Variants in CCDC80 observed in about 807,000 individuals in gnomAD.
The protein encoded by CCDC80 is coiled-coil domain-containing protein 80.
Under a neutral mutation model 78.7 loss-of-function variants are expected in CCDC80, and 49 were observed. The ratio of observed to expected loss-of-function variants is 0.62; its 90% confidence interval spans 0.50 to 0.79. The LOEUF is 0.79. Ranked by LOEUF, CCDC80 falls within the 30% of genes least tolerant of loss-of-function variation. The probability of loss-of-function intolerance (pLI) is 0.00; values close to 1 mark genes in which losing one functional copy is unlikely to be tolerated. For synonymous variants in CCDC80, 488 were observed against 447.0 expected (o/e 1.09, Z -1.16); for missense variants, 1,205 against 1,198.6 (o/e 1.01, Z -0.08).
At chr3:112,626,772 T>A (rs563144621) in intron 3 of CCDC80, among the ~76,000 whole-genome samples, 2 of 152,190 alleles carry the variant, frequency 1.3e-5, no homozygotes, top group Non-Finnish European at 2.9e-5. Flanking sequence ...GTTCCCAAAC[T>A]CCTGGCCTCA....
At chr3:112,624,873 C>T (rs1935935325) in intron 3 of CCDC80, among the ~76,000 whole-genome samples, 1 of 152,142 alleles carries the variant, frequency 6.6e-6, no homozygotes, top group Non-Finnish European at 1.5e-5. Flanking sequence ...TTCTAGCCCT[C>T]TCTTCACCTC....
At position 112,641,117 on chromosome 3, in the gene CCDC80, G is replaced by A. The variant is rs147684624; in HGVS notation, c.-802C>T. The stretch of plus-strand genomic sequence containing the variant: ...TCCTTCCCATTTTAGCACGTTCAGA[G>A]TGGACTCAGTGAGGAGTGAGAAGGC... On this transcript the variant is annotated 5_prime_UTR_variant, in exon 1 of 8. Coordinates refer to ENST00000206423, the MANE Select transcript of CCDC80 (RefSeq NM_199511.3). The A allele has an allele frequency of 2.0e-5, 3 of 152,350 alleles. No homozygotes were observed. The highest frequency in any genetic ancestry group is 2.0e-4 in the Admixed American group (3 of 15,310). The allele number at this position is 152,350 out of a possible 1,614,324, so 9.4% of individuals were successfully genotyped here.
chr3:112,639,117 T>G lies in CCDC80; in HGVS notation c.789A>C (p.Gln263His). Residue 263 changes from glutamine (Q) to histidine (H), a missense_variant, in exon 2 of 8, where the codon CAA (glutamine) becomes CAC (histidine). Transcript: ENST00000206423. ...RLEAMYEVIDQGPIRRIEKIR... is the reference protein window; with the variant it reads ...RLEAMYEVIDHGPIRRIEKIR... Reference sequence around the variant, plus strand: ...TCTTCTCGATCCTACGGATGGGGCCTTGGTCGATGACCTCGTACATGGCTT... The same window carrying G: ...TCTTCTCGATCCTACGGATGGGGCCGTGGTCGATGACCTCGTACATGGCTT... The G allele has an allele frequency of 2.5e-6, 4 of 1,614,178 alleles. No individual in the cohort carries two copies. The highest frequency in any genetic ancestry group is 3.4e-6 in the Non-Finnish European group (4 of 1,180,026).
Position 112,605,305 on chromosome 3 carries a change from T to G in CCDC80, c.*112A>C. 1.5e-6 allele frequency: 1 copy of G among 686,040 alleles called. No individual in the cohort carries two copies. The highest frequency in any genetic ancestry group is 2.4e-6 in the Non-Finnish European group (1 of 416,846). The allele number at this position is 686,040 out of a possible 1,614,324, so 42.5% of individuals were successfully genotyped here. A position where few individuals can be genotyped will look rare whatever the true frequency, so the allele number is the denominator to read the frequency against. On this transcript the variant is annotated 3_prime_UTR_variant, in exon 8 of 8. Coordinates refer to ENST00000206423, the MANE Select transcript of CCDC80 (RefSeq NM_199511.3). ...TATTTATTTAGTCTTAGAAAAACAC[T>G]GAAAGAAAAAGGCAGGAAATGTAGT... is the stretch of plus-strand genomic sequence containing the variant.
rs1278051135 is a variant in CCDC80 at position 112,604,057 on chromosome 3, A to C, written c.*1360T>G. On this transcript the variant is annotated 3_prime_UTR_variant, in exon 8 of 8. Transcript: ENST00000206423. ...TGCAATCTCATTACAAAAGTTTAATAGATGAAGACTTGCTTCTTATGAATG... is the reference window on the plus strand; with the variant it reads ...TGCAATCTCATTACAAAAGTTTAATCGATGAAGACTTGCTTCTTATGAATG... The C allele has an allele frequency of 6.6e-6, 1 of 152,262 alleles. No individual in the cohort carries two copies. The highest frequency in any genetic ancestry group is 1.5e-5 in the Non-Finnish European group (1 of 68,044). The allele number at this position is 152,262 out of a possible 1,614,324, so 9.4% of individuals were successfully genotyped here.
rs1484023419 is a variant in CCDC80, at chr3:112,639,394, A to T, written c.512T>A (p.Leu171Gln). 2 of 1,614,172 alleles carry T rather than the reference A, an allele frequency of 1.2e-6. No homozygotes were observed. Among genetic ancestry groups the T allele is most frequent in the South Asian group, 2.2e-5 (2 of 91,078 alleles). ...CAGCTCACAGTACACATCGTCCTTC[A>T]GCAGGCTCATCATGAGGCGGTAGTA... ...EGYYRLMMSL[L>Q]KDDVYCELAE... is the part of the protein sequence containing the mutation. The change falls in exon 2 of 8, where the codon CTG (leucine) becomes CAG (glutamine). Residue 171 changes from leucine (L) to glutamine (Q), a missense_variant. By Grantham distance (113) the Leu-to-Gln change is moderately radical (BLOSUM62 -2). Transcript: ENST00000206423.
chr3:112,604,378 C>G lies in CCDC80; in HGVS notation c.*1039G>C, dbSNP rs1387547756. On this transcript the variant is annotated 3_prime_UTR_variant, in exon 8 of 8. Transcript: ENST00000206423. ...CATCACCCCCAACCTTCAGTAACCA[C>G]CACCCTGATCATTCAGCAGCCATCA... 1.3e-5 allele frequency: 2 copies of G among 152,192 alleles called. No homozygotes were observed. Among genetic ancestry groups the G allele is most frequent in the African/African-American group, 2.4e-5 (1 of 41,446 alleles). 9.4% of individuals were successfully genotyped at this position (152,192 alleles called of 1,614,324 possible).
At chr3:112,619,633 G>C (rs1935822677) in intron 3 of CCDC80, among the ~76,000 whole-genome samples, 1 of 152,058 alleles carries the variant, frequency 6.6e-6, no homozygotes, top group South Asian at 2.1e-4. Context: ...GTTTCATTTG[G>C]GCTCCAAAAG....
At chr3:112,611,149 G>A (rs550083871) in intron 5 of CCDC80, among the ~76,000 whole-genome samples, 1 of 152,202 alleles carries the variant, frequency 6.6e-6, no homozygotes, top group South Asian at 2.1e-4. Flanking sequence ...TCCTGACCTG[G>A]TGATCTGCCC....
At position 112,604,916 on chromosome 3, in the gene CCDC80, A is replaced by T. The variant is rs1935448592; in HGVS notation, c.*501T>A. The T allele has an allele frequency of 6.6e-6, 1 of 152,292 alleles. No individual in the cohort carries two copies. Among genetic ancestry groups the T allele is most frequent in the Non-Finnish European group, 1.5e-5 (1 of 68,080 alleles). 9.4% of individuals were successfully genotyped at this position (152,292 alleles called of 1,614,324 possible). A position where few individuals can be genotyped will look rare whatever the true frequency, so the allele number is the denominator to read the frequency against. On this transcript the variant is annotated 3_prime_UTR_variant, in exon 8 of 8. Transcript: ENST00000206423. Reference sequence around the variant, plus strand: ...GTATCAAGTTTCATAAAAGAAACTCATACAAAGCAGAGATATCTTAATTAT... The same window carrying T: ...GTATCAAGTTTCATAAAAGAAACTCTTACAAAGCAGAGATATCTTAATTAT...
chr3:112,619,362 C>A (rs1413078357), intron 3 of CCDC80, among the ~76,000 whole-genome samples: 1 of 152,174 alleles, frequency 6.6e-6, no homozygotes, highest in Non-Finnish European at 1.5e-5. Context: ...CAAACAGGAA[C>A]AAAGGAACAA....
At chr3:112,606,688 G>A (rs141292220) in intron 7 of CCDC80, among the ~76,000 whole-genome samples, 1 of 152,244 alleles carries the variant, frequency 6.6e-6, no homozygotes, top group East Asian at 1.9e-4. Context: ...GCCTCCCAAA[G>A]TGCTAGGATT....
At chr3:112,616,916 A>G (rs938328462) in intron 4 of CCDC80, 58 bp from the exon 5 acceptor site, 1 of 1,527,072 alleles carries the variant, frequency 6.5e-7, no homozygotes, top group African/African-American at 1.4e-5. Context: ...CTCTCTATTC[A>G]GAGGATAGAG....
chr3:112,631,349 T>G (rs912316356), intron 2 of CCDC80, among the ~76,000 whole-genome samples: 1 of 152,160 alleles, frequency 6.6e-6, no homozygotes, highest in African/African-American at 2.4e-5. Flanking sequence ...GAAATTTTAT[T>G]GTGATGATGA....
At chr3:112,632,846 C>T (rs370370661) in intron 2 of CCDC80, among the ~76,000 whole-genome samples, 3 of 152,198 alleles carry the variant, frequency 2.0e-5, no homozygotes, top group Non-Finnish European at 4.4e-5. Flanking sequence ...CACGTTCTGG[C>T]CCCGGGCTCT....
intron 5 of CCDC80, 198 bp from the exon 6 acceptor site, chr3:112,610,279 TCA>T: frequency 1.7e-6 from 1 of 584,376 alleles, no homozygotes; most frequent in Non-Finnish European, 3.1e-6. Flanking sequence ...TGTTGTAACT[TCA>T]CAGTCTTTCT....
Position 112,605,536 on chromosome 3 carries a change from G to A in CCDC80, c.2734C>T (p.Arg912Cys), listed in dbSNP as rs771980493. 7 of 1,614,102 alleles carry A rather than the reference G, an allele frequency of 4.3e-6. No homozygotes were observed. Among genetic ancestry groups the A allele is most frequent in the Admixed American group, 1.7e-5 (1 of 60,018 alleles). The change falls in exon 8 of 8, where the codon CGC becomes TGC. Residue 912 changes from arginine (R) to cysteine (C), a missense_variant. Arg to Cys is a radical substitution (Grantham distance 180). Transcript: ENST00000206423. ...CCTGCATACTCATCTTCTGGGCAGC[G>A]CATCCCCAGTGACTGCTGAATCGCC... is the stretch of plus-strand genomic sequence containing the variant. The part of the protein sequence containing the change: ...EMAIQQSLGM[R>C]CPEDEYAGYG...
At position 112,598,172 on chromosome 3, in the gene CCDC80, A is replaced by T. The variant is rs1313481586; in HGVS notation, c.*7245T>A. The T allele has an allele frequency of 6.6e-6, 1 of 152,198 alleles. No homozygotes were observed. The highest frequency in any genetic ancestry group is 1.5e-5 in the Non-Finnish European group (1 of 68,034). 9.4% of individuals were successfully genotyped at this position (152,198 alleles called of 1,614,324 possible). On this transcript the variant is annotated 3_prime_UTR_variant, in exon 8 of 8. Transcript: ENST00000206423. ...CTCTAAAGATAGTTCATAAAAAGCA[A>T]GCCAAAGATAGAAAAGAGAGCTAAG...
In CCDC80 at chr3:112,630,196, T is replaced by C. The variant is rs1366173737; in HGVS notation, c.1952A>G (p.Lys651Arg). 3 of 1,613,854 alleles carry C rather than the reference T, an allele frequency of 1.9e-6. No individual in the cohort carries two copies. Among genetic ancestry groups the C allele is most frequent in the East Asian group, 4.5e-5 (2 of 44,900 alleles). ...QRDEYLESFC[K>R]MATRKISVIT... is the part of the protein sequence containing the mutation. The stretch of plus-strand genomic sequence containing the variant: ...CACAGAGATTTTCCTGGTAGCCATC[T>C]TGCAGAAACTTTCCAGATATTCATC... The change falls in exon 3 of 8, where the codon AAG (lysine) becomes AGG (arginine). Residue 651 changes from lysine (K) to arginine (R), a missense_variant. Physicochemically the swap from Lys to Arg is conservative, Grantham distance 26. Coordinates refer to ENST00000206423, the MANE Select transcript of CCDC80 (RefSeq NM_199511.3).
Sources: gnomAD v4.1 joint callset for allele counts (sites outside exome capture counted in the v4.1 genomes callset) on GRCh38, gnomAD v4.1.1 for gene constraint, MANE v1.5 for transcripts, NCBI Gene and HGNC (gene_info 2026-07-23, HGNC 2026-07-21) for gene names.